ZFC3H1: variants seen among roughly 807,000 people sequenced by gnomAD.
ZFC3H1 encodes the protein zinc finger C3H1-type containing.
A neutral mutation model predicts 243.7 loss-of-function variants in ZFC3H1; 71 were observed. The ratio of observed to expected loss-of-function variants is 0.29; its 90% CI spans 0.24 to 0.36. The LOEUF is 0.36. Among genes scored for constraint, ZFC3H1 ranks in the 10% least tolerant of loss-of-function variants. The pLI is 1.00. For missense variants in ZFC3H1, 1,966 were observed against 2,317.1 expected, an observed-to-expected ratio of 0.85 and a Z score of 3.11; for synonymous variants, 838 against 813.0, an observed-to-expected ratio of 1.03 and a Z score of -0.52.
At position 71,626,241 on chromosome 12, in the gene ZFC3H1, C is replaced by T. The variant is rs747729223; in HGVS notation, c.4317+19G>A. 25 of 1,594,294 alleles carry T rather than the reference C, an allele frequency of 1.6e-5. No homozygotes were observed. Among genetic ancestry groups the T allele is most frequent in the South Asian group, 2.2e-5 (2 of 90,116 alleles). Reference sequence around the variant, plus strand: ...ACACACACACACACACACACACGTACGTTATCTTTTCTACTCACAGTCCAA... The same window carrying T: ...ACACACACACACACACACACACGTATGTTATCTTTTCTACTCACAGTCCAA... On this transcript the variant is annotated intron_variant, in intron 22 of 34. Coordinates refer to ENST00000378743, the MANE Select transcript of ZFC3H1 (RefSeq NM_144982.5).
At chr12:71,628,774 G>A (rs952648268) in intron 20 of ZFC3H1, 144 bp downstream of exon 20, 2 of 721,902 alleles carry the variant, frequency 2.8e-6, no homozygotes, top group African/African-American at 3.7e-5. Context: ...TAACTGTATT[G>A]TCTAAAAACC....
intron 30 of ZFC3H1, among the ~76,000 whole-genome samples, 167 bp downstream of exon 30, chr12:71,614,368 G>A (rs2137513773): frequency 6.6e-6 from 1 of 152,152 alleles, no homozygotes; most frequent in Non-Finnish European, 1.5e-5. Context: ...GGGCTCTATT[G>A]CTAGACTCTG....
chr12:71,645,633 G>C (rs542356774), intron 3 of ZFC3H1, among the ~76,000 whole-genome samples: 2 of 152,130 alleles, frequency 1.3e-5, no homozygotes, highest in African/African-American at 4.8e-5. Context: ...TTTGCTTACA[G>C]CTGACTGTTA....
rs894414440 is a variant in ZFC3H1 at position 71,611,530 on chromosome 12, ATGT to A, written c.5729+253_5729+255del. The A allele has an allele frequency of 1.9e-3, 320 of 166,698 alleles. 2 individuals carry two copies. Among genetic ancestry groups the A allele is most frequent in the African/African-American group, 7.3e-3 (306 of 41,920 alleles). The allele number at this position is 166,698 out of a possible 1,614,324, so 10.3% of individuals were successfully genotyped here. A position where few individuals can be genotyped will look rare whatever the true frequency, so the allele number is the denominator to read the frequency against. On this transcript the variant is annotated intron_variant, in intron 32 of 34. Transcript: ENST00000378743. The stretch of plus-strand genomic sequence containing the variant: ...GTTTGATAACAGTACTGTCACCTAA[ATGT>A]TGTCCTTCAAAGAAAATTAAAAGTC...
At chr12:71,618,106 T>TA (rs1241122035) in intron 27 of ZFC3H1, among the ~76,000 whole-genome samples, 2 of 151,514 alleles carry the variant, frequency 1.3e-5, no homozygotes, top group Non-Finnish European at 2.9e-5. Context: ...ATTACTAAAA[T>TA]ATAAAAAAAT....
At chr12:71,632,816 A>C in intron 14 of ZFC3H1, 70 bp downstream of exon 14, 1 of 1,577,652 alleles carries the variant, frequency 6.3e-7, no homozygotes, top group Non-Finnish European at 8.6e-7. Context: ...TTATATATAC[A>C]TCTTACCCTT....
At position 71,626,099 on chromosome 12, in the gene ZFC3H1, G is replaced by A. The variant is rs577418331; in HGVS notation, c.4317+161C>T. Among the ~76,000 whole-genome samples, 3 of 152,164 alleles carry A rather than the reference G, an allele frequency of 2.0e-5. No individual in the cohort carries two copies. In the South Asian group the frequency reaches 6.2e-4, roughly 32 times the overall value. ...GCTTAGTCTAAATTCTGATCCAGAAGTGGCTTTGTGGTTACTAGAAACTGA... is the reference window on the plus strand; with the variant it reads ...GCTTAGTCTAAATTCTGATCCAGAAATGGCTTTGTGGTTACTAGAAACTGA... On this transcript the variant is annotated intron_variant, in intron 22 of 34. Transcript: ENST00000378743.
chr12:71,615,228 G>C lies in ZFC3H1; in HGVS notation c.5233C>G (p.Pro1745Ala), dbSNP rs998760823. The change falls in exon 28 of 35, where the codon CCT (proline) becomes GCT (alanine). Residue 1745 changes from proline to alanine, a missense_variant. Physicochemically the swap from Pro to Ala is conservative, Grantham distance 27. Around this residue, in one of 4 missense-constraint regions of ZFC3H1, gnomAD observed 1,383 missense variants for 1,723.7 expected, o/e 0.80. Coordinates refer to ENST00000378743, the MANE Select transcript of ZFC3H1 (RefSeq NM_144982.5). ...CACCAGTAAATCAGCCACAAATAAG[G>C]AACTTGGTGGTTAAACATATCATCA... The part of the protein sequence containing the change: ...FDDDMFNHQV[P>A]YLWLIYCLCH... The C allele has an allele frequency of 1.9e-6, 3 of 1,612,352 alleles. No individual in the cohort carries two copies. Among genetic ancestry groups the C allele is most frequent in the Non-Finnish European group, 2.5e-6 (3 of 1,179,022 alleles).
intron 31 of ZFC3H1, 59 bp from the exon 32 acceptor site, chr12:71,611,946 T>G: frequency 9.8e-7 from 1 of 1,017,274 alleles, no homozygotes; most frequent in Non-Finnish European, 1.5e-6. Context: ...ACCCCAAATG[T>G]GCTCTATGAG....
intron 10 of ZFC3H1, among the ~76,000 whole-genome samples, chr12:71,635,046 A>T (rs971992218): frequency 3.3e-5 from 5 of 152,214 alleles, no homozygotes; most frequent in Admixed American, 3.3e-4. Flanking sequence ...AAATCATTGA[A>T]TTAAATCACA....
intron 24 of ZFC3H1, 41 bp downstream of exon 24, chr12:71,623,319 T>C (rs1450767794): frequency 1.3e-6 from 2 of 1,487,686 alleles, no homozygotes; most frequent in Non-Finnish European, 1.8e-6. Flanking sequence ...AACACTGATG[T>C]TATAACAGTT....
chr12:71,643,426 A>T (rs896820969), intron 5 of ZFC3H1, among the ~76,000 whole-genome samples: 8 of 151,954 alleles, frequency 5.3e-5, no homozygotes, highest in Admixed American at 4.6e-4. Flanking sequence ...AAAAAAAAAA[A>T]TTTCAAAGTA....
At chr12:71,655,825 G>T (rs78463801) in intron 2 of ZFC3H1, among the ~76,000 whole-genome samples, 2,763 of 152,124 alleles carry the variant, frequency 0.018, 70 homozygotes, top group African/African-American at 0.062. Context: ...AAAAGAGGGG[G>T]GGGAAATTAC....
In ZFC3H1 at chr12:71,652,726, A is replaced by C. The variant is rs1232191448; in HGVS notation, c.1015+4159T>G. Among the ~76,000 whole-genome samples the C allele has an allele frequency of 3.3e-5, 5 of 152,300 alleles. No homozygotes were observed. In the South Asian group the frequency reaches 8.3e-4, roughly 25 times the overall value. The stretch of plus-strand genomic sequence containing the variant: ...CTATCCCTCTGTGTTATACTTCTCA[A>C]AACTGCTTGTGTAGAATCATAGTAC... On this transcript the variant is annotated intron_variant, in intron 2 of 34. Transcript: ENST00000378743.
At position 71,644,967 on chromosome 12, in the gene ZFC3H1, T is replaced by C; in HGVS notation, c.1189A>G (p.Ser397Gly). The C allele has an allele frequency of 6.2e-7, 1 of 1,613,510 alleles. No homozygotes were observed. Among genetic ancestry groups the C allele is most frequent in the Non-Finnish European group, 8.5e-7 (1 of 1,180,026 alleles). Residue 397 changes from serine (S) to glycine (G), a missense_variant, in exon 4 of 35, where the codon AGC becomes GGC. Around this residue, in one of 4 missense-constraint regions of ZFC3H1, gnomAD observed 91 missense variants for 107.6 expected, o/e 0.85. Coordinates refer to ENST00000378743, the MANE Select transcript of ZFC3H1 (RefSeq NM_144982.5). ...QQKEQQVMKESKEKLTKTKTV... is the reference protein window; with the variant it reads ...QQKEQQVMKEGKEKLTKTKTV... ...TTCGTCTTAGTCAACTTTTCTTTGC[T>C]TTCTTTCATCACCTGCTGTTCTTTT...
intron 23 of ZFC3H1, 130 bp from the exon 24 acceptor site, chr12:71,623,727 G>T: frequency 1.5e-6 from 1 of 678,218 alleles, no homozygotes; most frequent in Non-Finnish European, 2.3e-6. Context: ...TAAGTGTCCT[G>T]ATACTTAAAA....
At position 71,619,367 on chromosome 12, in the gene ZFC3H1, C is replaced by A; in HGVS notation, c.5092G>T (p.Ala1698Ser). ...NLLPFLRKFI[A>S]SFFKPGFEKY... ...TCAAACCCCGGTTTAAAGAAGGATG[C>A]AATAAATTTCCGCAAAAATGGAAGA... The change falls in exon 27 of 35, where the codon GCA (alanine) becomes TCA (serine). Residue 1698 changes from alanine (A) to serine (S), a missense_variant. By Grantham distance (99) the Ala-to-Ser change is moderately conservative (BLOSUM62 1). Transcript: ENST00000378743. The A allele has an allele frequency of 6.2e-7, 1 of 1,613,370 alleles. No homozygotes were observed. The highest frequency in any genetic ancestry group is 8.5e-7 in the Non-Finnish European group (1 of 1,179,730).
chr12:71,618,813 C>T (rs1879954603), intron 27 of ZFC3H1, among the ~76,000 whole-genome samples: 1 of 152,068 alleles, frequency 6.6e-6, no homozygotes, highest in Non-Finnish European at 1.5e-5. Flanking sequence ...AAGCACAGCT[C>T]TATATGAGCT....
At chr12:71,633,767 G>A (rs1382498996) in intron 12 of ZFC3H1, among the ~76,000 whole-genome samples, 9 of 152,120 alleles carry the variant, frequency 5.9e-5, no homozygotes, top group Admixed American at 3.3e-4. Flanking sequence ...CGATTCTCCC[G>A]CCTCAGCCTC....
Sources: gnomAD v4.1 joint callset for allele counts (sites outside exome capture counted in the v4.1 genomes callset) on GRCh38, gnomAD v4.1.1 for gene constraint, gnomAD v4.1.1 regional missense constraint, MANE v1.5 for transcripts, NCBI Gene and HGNC (gene_info 2026-07-23, HGNC 2026-07-21) for gene names.